LRP1B: variants seen among roughly 807,000 people sequenced by gnomAD.
LRP1B encodes the protein low-density lipoprotein receptor-related protein 1B.
A neutral mutation model predicts 556.6 loss-of-function variants in LRP1B; 217 were observed. The ratio of observed to expected loss-of-function variants is 0.39; its 90% CI spans 0.35 to 0.44. The LOEUF (loss-of-function observed/expected upper bound fraction) is 0.44. LRP1B is among the 20% of genes least tolerant of loss of function. The pLI is 1.00. For missense variants in LRP1B, 5,053 were observed against 5,620.8 expected (o/e 0.90, Z 3.23); for synonymous variants, 2,047 against 1,865.8 (o/e 1.10, Z -2.50).
chr2:141,463,572 T>TATTA (rs1559083827), intron 3 of LRP1B, among the ~76,000 whole-genome samples: 6 of 92,462 alleles, frequency 6.5e-5, no homozygotes, highest in African/African-American at 2.7e-4. Context: ...ATATTATATA[T>TATTA]TATATATAAT....
At chr2:141,072,734 C>G (rs1699681454) in intron 7 of LRP1B, among the ~76,000 whole-genome samples, 1 of 152,036 alleles carries the variant, frequency 6.6e-6, no homozygotes, top group Admixed American at 6.6e-5. Flanking sequence ...ATTCACTTCA[C>G]CTCACATCTC....
intron 1 of LRP1B, among the ~76,000 whole-genome samples, chr2:142,129,626 CTCTCTT>C (rs1368534155): frequency 2.8e-5 from 3 of 106,406 alleles, no homozygotes; most frequent in African/African-American, 1.1e-4. Context: ...CTCTCTCTCT[CTCTCTT>C]ATTTAAACTA....
At chr2:140,288,065 C>T (rs948580256) in intron 84 of LRP1B, among the ~76,000 whole-genome samples, 23 of 151,516 alleles carry the variant, frequency 1.5e-4, no homozygotes, top group African/African-American at 3.9e-4. Flanking sequence ...ATAGGCTATA[C>T]GACCATAGAG....
At chr2:140,494,294 A>C (rs534263923) in intron 56 of LRP1B, among the ~76,000 whole-genome samples, 7 of 152,306 alleles carry the variant, frequency 4.6e-5, no homozygotes, top group South Asian at 4.1e-4. Context: ...AACATTGGTC[A>C]TTTGTATGAT....
Position 142,014,287 on chromosome 2 carries a change from A to G in LRP1B, c.82+116361T>C, listed in dbSNP as rs549393874. Among the ~76,000 whole-genome samples, 51 of 152,200 alleles carry G rather than the reference A, an allele frequency of 3.4e-4. 2 individuals carry two copies. In the South Asian group the frequency reaches 0.01, roughly 30 times the overall value. ...TCTGAATTGGGACCCCTTTCCTGTA[A>G]CAGAGAAGAGAGCTAAAAAAGACAT... On this transcript the variant is annotated intron_variant, in intron 1 of 90. Transcript: ENST00000389484.
At chr2:141,883,009 TC>T (rs1235029766) in intron 1 of LRP1B, among the ~76,000 whole-genome samples, 4 of 152,182 alleles carry the variant, frequency 2.6e-5, no homozygotes, top group Non-Finnish European at 5.9e-5. Context: ...CTATTCATCT[TC>T]CTTATGGTTA....
chr2:142,014,101 A>G (rs971377422), intron 1 of LRP1B, among the ~76,000 whole-genome samples: 3 of 151,778 alleles, frequency 2.0e-5, no homozygotes, highest in African/African-American at 7.3e-5. Context: ...TTGTACCTAG[A>G]GTGGACGCAT....
intron 7 of LRP1B, among the ~76,000 whole-genome samples, chr2:141,158,314 CT>C (rs1321815856): frequency 1.3e-5 from 2 of 152,106 alleles, no homozygotes; most frequent in East Asian, 3.9e-4. Flanking sequence ...AGCAGCTGAA[CT>C]CAAATCATAT....
At chr2:140,509,796 G>T (rs2104915744) in intron 52 of LRP1B, 132 bp downstream of exon 52, 2 of 1,251,324 alleles carry the variant, frequency 1.6e-6, no homozygotes, top group East Asian at 2.4e-5. Flanking sequence ...ACCTGATTAA[G>T]TCCAATACTA....
chr2:140,520,385 C>T (rs916515186), intron 49 of LRP1B, among the ~76,000 whole-genome samples: 1 of 152,044 alleles, frequency 6.6e-6, no homozygotes, highest in African/African-American at 2.4e-5. Context: ...TGTTCTCACT[C>T]ATAGGTGGAA....
chr2:140,421,842 TC>T (rs1265581031), intron 66 of LRP1B, among the ~76,000 whole-genome samples: 1 of 152,166 alleles, frequency 6.6e-6, no homozygotes, highest in Admixed American at 6.5e-5. Flanking sequence ...AAGCTCTGCT[TC>T]TAGTAACTCT....
intron 82 of LRP1B, among the ~76,000 whole-genome samples, chr2:140,318,751 A>G (rs1684642825): frequency 6.6e-6 from 1 of 152,112 alleles, no homozygotes; most frequent in South Asian, 2.1e-4. Context: ...CTGGGGTGCC[A>G]CCATTTACTA....
intron 3 of LRP1B, among the ~76,000 whole-genome samples, chr2:141,471,752 G>T (rs1321555214): frequency 6.6e-6 from 1 of 152,108 alleles, no homozygotes; most frequent in Non-Finnish European, 1.5e-5. Flanking sequence ...CTGGAATATT[G>T]TCACTGCAAA....
intron 7 of LRP1B, among the ~76,000 whole-genome samples, chr2:141,128,910 A>G (rs1363819995): frequency 2.0e-5 from 3 of 152,218 alleles, no homozygotes; most frequent in Non-Finnish European, 4.4e-5. Flanking sequence ...TCATCCTACT[A>G]ATTCTAATTA....
At chr2:140,495,832 A>T in intron 55 of LRP1B, 84 bp from the exon 56 acceptor site, 6 of 1,146,584 alleles carry the variant, frequency 5.2e-6, no homozygotes, top group Non-Finnish European at 7.3e-6. Context: ...ATTAAGCAAG[A>T]AAAGCATTTG....
At chr2:141,867,647 G>A (rs1225404914) in intron 1 of LRP1B, among the ~76,000 whole-genome samples, 2 of 152,092 alleles carry the variant, frequency 1.3e-5, no homozygotes, top group South Asian at 2.1e-4. Flanking sequence ...AGGATGCATT[G>A]CCTCTTAGTT....
chr2:140,466,467 A>AAT (rs1369727597), intron 60 of LRP1B, among the ~76,000 whole-genome samples: 1 of 152,138 alleles, frequency 6.6e-6, no homozygotes, highest in Middle Eastern at 3.2e-3. Flanking sequence ...TTGACACTTT[A>AAT]ATATGAGGCT....
chr2:141,700,567 T>C (rs1337204271), intron 2 of LRP1B, among the ~76,000 whole-genome samples: 1 of 151,758 alleles, frequency 6.6e-6, no homozygotes, highest in Non-Finnish European at 1.5e-5. Flanking sequence ...TAGCCCAAAG[T>C]GAAGGCCTCA....
At chr2:141,445,401 GT>G (rs1265420924) in intron 3 of LRP1B, among the ~76,000 whole-genome samples, 3 of 152,064 alleles carry the variant, frequency 2.0e-5, no homozygotes, top group Non-Finnish European at 4.4e-5. Flanking sequence ...TTTTTGAAGG[GT>G]TTTTTGTGTC....
Sources: gnomAD v4.1 joint callset for allele counts (sites outside exome capture counted in the v4.1 genomes callset) on GRCh38, gnomAD v4.1.1 for gene constraint, MANE v1.5 for transcripts, NCBI Gene and HGNC (gene_info 2026-07-23, HGNC 2026-07-21) for gene names.